CSNK1G3: variants seen among roughly 807,000 people sequenced by gnomAD.
CSNK1G3 encodes the protein casein kinase I isoform gamma-3.
Under a neutral mutation model 64.3 loss-of-function variants are expected in CSNK1G3, and 23 were observed. That is an observed-to-expected ratio of 0.36 (90% CI 0.26 to 0.51). The LOEUF is 0.51. CSNK1G3 is among the 20% of genes least tolerant of loss of function. The probability of loss-of-function intolerance (pLI) is 0.96; values close to 1 mark genes in which losing one functional copy is unlikely to be tolerated. For synonymous variants in CSNK1G3, 158 were observed against 162.2 expected (o/e 0.97, Z 0.20); for missense variants, 357 against 510.5 (o/e 0.70, Z 2.90).
At position 123,567,980 on chromosome 5, in the gene CSNK1G3, G is replaced by A. The variant is rs536260642; in HGVS notation, c.290-5413G>A. Among the ~76,000 whole-genome samples the A allele has an allele frequency of 3.9e-5, 6 of 152,284 alleles. No individual in the cohort carries two copies. In the East Asian group the frequency reaches 1.2e-3, roughly 29 times the overall value. On this transcript the variant is annotated intron_variant, in intron 4 of 12. Coordinates refer to ENST00000345990, the Ensembl canonical transcript of CSNK1G3. ...ACTGCATCTTGCTGGTTGTGGAAAC[G>A]TTTTCCCTGCAAAAGGTTGTCAAGA...
chr5:123,553,231 C>A, intron 3 of CSNK1G3, 84 bp downstream of exon 3: 1 of 702,796 alleles, frequency 1.4e-6, no homozygotes, highest in South Asian at 2.6e-5. Flanking sequence ...TTTTTGTTTT[C>A]ATGTCATTTA....
intron 2 of CSNK1G3, among the ~76,000 whole-genome samples, chr5:123,549,356 G>A (rs967757047): frequency 4.6e-5 from 7 of 152,144 alleles, no homozygotes; most frequent in Middle Eastern, 3.2e-3. Context: ...TGGCTGGGAA[G>A]AGATTACCCC....
intron 12 of CSNK1G3, among the ~76,000 whole-genome samples, 154 bp from the exon 14 acceptor site, chr5:123,614,188 A>G (rs1273558986): frequency 6.6e-6 from 1 of 152,248 alleles, no homozygotes; most frequent in Non-Finnish European, 1.5e-5. Flanking sequence ...TAGCTCTGCC[A>G]TATTTTCACT....
At chr5:123,578,540 T>C (rs1789612205) in intron 6 of CSNK1G3, among the ~76,000 whole-genome samples, 1 of 151,958 alleles carries the variant, frequency 6.6e-6, no homozygotes, top group South Asian at 2.1e-4. Flanking sequence ...ATGAGTAATT[T>C]CTTTCAGTCT....
chr5:123,526,343 C>G (rs895577133), intron 1 of CSNK1G3, among the ~76,000 whole-genome samples: 1 of 152,104 alleles, frequency 6.6e-6, no homozygotes, highest in East Asian at 1.9e-4. Flanking sequence ...GCATGAGCCA[C>G]CAGCCTAGAA....
At chr5:123,615,650 A>G (rs1749329703) in exon 13 of CSNK1G3, 1 of 152,180 alleles carries the variant, frequency 6.6e-6, no homozygotes. Context: ...TCCACTTTTC[A>G]AGTATGCTTT....
chr5:123,516,036 T>C (rs376492116), intron 1 of CSNK1G3, among the ~76,000 whole-genome samples: 1 of 152,132 alleles, frequency 6.6e-6, no homozygotes, highest in African/African-American at 2.4e-5. Flanking sequence ...CCACCAATGA[T>C]CTGTTTTTTC....
At chr5:123,521,202 T>A (rs1778034053) in intron 1 of CSNK1G3, among the ~76,000 whole-genome samples, 1 of 152,156 alleles carries the variant, frequency 6.6e-6, no homozygotes, top group Non-Finnish European at 1.5e-5. Context: ...TTTTCTACAT[T>A]TATTTTAGGG....
At chr5:123,558,542 G>C (rs1252578231) in intron 4 of CSNK1G3, among the ~76,000 whole-genome samples, 2 of 152,118 alleles carry the variant, frequency 1.3e-5, no homozygotes. Context: ...ACATTCTAGT[G>C]GGTAGAGCTG....
At chr5:123,537,434 G>A (rs1025524777) in intron 1 of CSNK1G3, among the ~76,000 whole-genome samples, 15 of 151,896 alleles carry the variant, frequency 9.9e-5, no homozygotes, top group African/African-American at 3.6e-4. Context: ...AAGGGTGAGG[G>A]GGTGGGAGGG....
chr5:123,608,873 A>G (rs929809076), intron 12 of CSNK1G3, among the ~76,000 whole-genome samples: 2 of 152,294 alleles, frequency 1.3e-5, no homozygotes, highest in Middle Eastern at 3.4e-3. Flanking sequence ...AATACAAAGT[A>G]TTACATGATT....
chr5:123,600,423 G>C (rs574931288), intron 10 of CSNK1G3, among the ~76,000 whole-genome samples: 1 of 151,812 alleles, frequency 6.6e-6, no homozygotes, highest in Non-Finnish European at 1.5e-5. Flanking sequence ...TCAGGAGTTC[G>C]AGACCAGCCT....
At chr5:123,564,372 T>A (rs572672361) in intron 4 of CSNK1G3, among the ~76,000 whole-genome samples, 8 of 152,196 alleles carry the variant, frequency 5.3e-5, no homozygotes, top group Admixed American at 5.2e-4. Flanking sequence ...TTGAATAGGA[T>A]ATTACTAAAT....
exon 13 of CSNK1G3, chr5:123,614,749 A>T (rs964083139): frequency 2.3e-5 from 4 of 174,860 alleles, no homozygotes; most frequent in African/African-American, 9.4e-5. Context: ...AACCAGTTAT[A>T]TACCTAATCT....
At position 123,588,132 on chromosome 5, in the gene CSNK1G3, T is replaced by C. The variant is rs998041845; in HGVS notation, c.738T>C (p.Ser246=). The change falls in exon 7 of 13, where the codon AGT becomes AGC. Residue 246 remains serine (S), a synonymous_variant. Transcript: ENST00000345990. ...TGTTCATGTATTTTCTGAGAGGCAGTCTTCCTTGGCAAGGCTTAAAGGTAA... is the reference window on the plus strand; with the variant it reads ...TGTTCATGTATTTTCTGAGAGGCAGCCTTCCTTGGCAAGGCTTAAAGGTAA... 3.1e-6 allele frequency: 5 copies of C among 1,604,574 alleles called. No homozygotes were observed. The African/African-American group carries it at 5.4e-5, about 17-fold the overall frequency.
At chr5:123,610,133 CT>C (rs768051891) in intron 12 of CSNK1G3, among the ~76,000 whole-genome samples, 1 of 152,090 alleles carries the variant, frequency 6.6e-6, no homozygotes, top group Non-Finnish European at 1.5e-5. Flanking sequence ...GGCCTGCAGG[CT>C]TTTGGTTGGA....
chr5:123,555,690 C>T (rs915072595), intron 3 of CSNK1G3, among the ~76,000 whole-genome samples: 12 of 152,056 alleles, frequency 7.9e-5, no homozygotes, highest in African/African-American at 2.9e-4. Context: ...AAATGTCATC[C>T]TGGGGAAGGT....
At chr5:123,578,823 A>G (rs1459322581) in intron 6 of CSNK1G3, among the ~76,000 whole-genome samples, 1 of 151,924 alleles carries the variant, frequency 6.6e-6, no homozygotes, top group Non-Finnish European at 1.5e-5. Flanking sequence ...TCTTTCTATG[A>G]TATCGTATTC....
intron 10 of CSNK1G3, among the ~76,000 whole-genome samples, chr5:123,599,950 C>A (rs185228890): frequency 6.6e-6 from 1 of 151,836 alleles, no homozygotes. Flanking sequence ...AATTGAAAAT[C>A]CATTTTGGCT....
Sources: gnomAD v4.1 joint callset for allele counts (sites outside exome capture counted in the v4.1 genomes callset) on GRCh38, gnomAD v4.1.1 for gene constraint, MANE v1.5 for transcripts, NCBI Gene and HGNC (gene_info 2026-07-23, HGNC 2026-07-21) for gene names.